Variants in AHCYL2 observed in about 807,000 individuals in gnomAD.
AHCYL2 encodes the protein S-adenosylhomocysteine hydrolase-like protein 2.
In AHCYL2, 28 loss-of-function variants were observed where a neutral mutation model predicts 81.4. The observed-to-expected ratio is 0.34, with a 90% CI of 0.25 to 0.47. The LOEUF is 0.47. Among genes scored for constraint, AHCYL2 ranks in the 20% least tolerant of loss-of-function variants. The probability of loss-of-function intolerance (pLI) is 1.00; values close to 1 mark genes in which losing one functional copy is unlikely to be tolerated. For missense variants in AHCYL2, 551 were observed against 785.1 expected (o/e 0.70, Z 3.56); for synonymous variants, 272 against 290.2 (o/e 0.94, Z 0.64).
At chr7:129,388,744 G>C in intron 2 of AHCYL2, 1 of 241,334 alleles carries the variant, frequency 4.1e-6, no homozygotes, top group South Asian at 8.4e-5. Flanking sequence ...TAATGACCAC[G>C]ATCTTGCATT....
At chr7:129,332,684 G>A (rs910760266) in intron 1 of AHCYL2, among the ~76,000 whole-genome samples, 3 of 152,144 alleles carry the variant, frequency 2.0e-5, no homozygotes, top group African/African-American at 4.8e-5. Flanking sequence ...TAACCTGGAT[G>A]AACATAATTT....
At chr7:129,370,526 G>A (rs10271957) in intron 1 of AHCYL2, among the ~76,000 whole-genome samples, 1,886 of 152,060 alleles carry the variant, frequency 0.012, 36 homozygotes, top group African/African-American at 0.043. Flanking sequence ...GTGAAACCCG[G>A]TCTCTACTAA....
In AHCYL2 at chr7:129,250,930, C is replaced by T. The variant is rs192946024; in HGVS notation, c.363+25491C>T. On this transcript the variant is annotated intron_variant, in intron 1 of 16. Coordinates refer to ENST00000325006, the MANE Select transcript of AHCYL2 (RefSeq NM_015328.4). Reference sequence around the variant, plus strand: ...AATTTGCAGTTCATGGTCTGCTTGTCCATATTAAAGTCTAGGGTGTCTAGA... The same window carrying T: ...AATTTGCAGTTCATGGTCTGCTTGTTCATATTAAAGTCTAGGGTGTCTAGA... 2.2e-3 allele frequency among the ~76,000 whole-genome samples: 335 copies of T among 152,262 alleles called. 1 individual carries two copies. The highest frequency in any genetic ancestry group is 7.2e-3 in the African/African-American group (300 of 41,570).
At chr7:129,415,690 C>T (rs988695628) in intron 12 of AHCYL2, among the ~76,000 whole-genome samples, 1 of 151,850 alleles carries the variant, frequency 6.6e-6, no homozygotes, top group Non-Finnish European at 1.5e-5. Flanking sequence ...GTGGCTCACA[C>T]CTGTAATCCC....
chr7:129,307,804 G>T (rs1584767322), intron 1 of AHCYL2, among the ~76,000 whole-genome samples: 1 of 151,852 alleles, frequency 6.6e-6, no homozygotes, highest in Non-Finnish European at 1.5e-5. Context: ...TAGAGCCCAA[G>T]GGCTGTTTAG....
At chr7:129,248,954 A>G (rs1275556482) in intron 1 of AHCYL2, among the ~76,000 whole-genome samples, 1 of 151,570 alleles carries the variant, frequency 6.6e-6, no homozygotes, top group Non-Finnish European at 1.5e-5. Context: ...AATTGTAAAA[A>G]TACAATTTTT....
chr7:129,285,273 T>C (rs1294778598), intron 1 of AHCYL2, among the ~76,000 whole-genome samples: 3 of 152,226 alleles, frequency 2.0e-5, no homozygotes, highest in Admixed American at 2.0e-4. Context: ...ATCTGAGGCC[T>C]CCTGGAGTCA....
chr7:129,294,646 C>T (rs1323887583), intron 1 of AHCYL2, among the ~76,000 whole-genome samples: 1 of 152,110 alleles, frequency 6.6e-6, no homozygotes, highest in East Asian at 1.9e-4. Flanking sequence ...CTATATCCAC[C>T]ACAACACTGT....
At chr7:129,266,977 G>A (rs1480715633) in intron 1 of AHCYL2, among the ~76,000 whole-genome samples, 5 of 150,956 alleles carry the variant, frequency 3.3e-5, no homozygotes, top group African/African-American at 1.2e-4. Context: ...CCCACTAAAC[G>A]CAAAATATTT....
intron 1 of AHCYL2, among the ~76,000 whole-genome samples, chr7:129,303,015 T>C (rs1399511295): frequency 6.6e-6 from 1 of 152,166 alleles, no homozygotes; most frequent in Non-Finnish European, 1.5e-5. Context: ...TTCTTTGTTT[T>C]TTGAGATGGA....
intron 1 of AHCYL2, among the ~76,000 whole-genome samples, chr7:129,328,173 G>A (rs1400964319): frequency 6.6e-6 from 1 of 151,810 alleles, no homozygotes; most frequent in East Asian, 1.9e-4. Flanking sequence ...TTCCTGATTT[G>A]GCTTTGTTTG....
At chr7:129,301,174 A>G (rs1365270334) in intron 1 of AHCYL2, among the ~76,000 whole-genome samples, 2 of 152,118 alleles carry the variant, frequency 1.3e-5, no homozygotes, top group Non-Finnish European at 1.5e-5. Flanking sequence ...AGAAATATCT[A>G]TTCAGATCTT....
At position 129,281,303 on chromosome 7, in the gene AHCYL2, T is replaced by C. The variant is rs1315233415; in HGVS notation, c.363+55864T>C. ...ATTTTTTCATCTATGTTCATGAGAG[T>C]TATTAGTATGCAATTTTCTTTAGGT... On this transcript the variant is annotated intron_variant, in intron 1 of 16. Coordinates refer to ENST00000325006, the MANE Select transcript of AHCYL2 (RefSeq NM_015328.4). 2.6e-5 allele frequency among the ~76,000 whole-genome samples: 4 copies of C among 152,114 alleles called. No homozygotes were observed. In the East Asian group the frequency reaches 5.8e-4, roughly 22 times the overall value.
intron 8 of AHCYL2, 107 bp downstream of exon 8, chr7:129,405,320 G>T: frequency 1.6e-6 from 1 of 621,904 alleles, no homozygotes; most frequent in South Asian, 3.3e-5. Flanking sequence ...TCTGGATAAT[G>T]TCTCCATAAA....
At chr7:129,279,849 C>T (rs933887111) in intron 1 of AHCYL2, among the ~76,000 whole-genome samples, 13 of 152,142 alleles carry the variant, frequency 8.5e-5, no homozygotes, top group African/African-American at 3.1e-4. Context: ...TGTCTTTTAG[C>T]ATACTAATGC....
rs537497056 is a variant in AHCYL2 at position 129,338,035 on chromosome 7, C to T, written c.364-41603C>T. On this transcript the variant is annotated intron_variant, in intron 1 of 16. Coordinates refer to ENST00000325006, the MANE Select transcript of AHCYL2 (RefSeq NM_015328.4). ...TTGGGATTACAGGTATGAGCCACCG[C>T]GCCTGGCCAGTTTTTCTTTACAACA... is the stretch of plus-strand genomic sequence containing the variant. Among the ~76,000 whole-genome samples, 178 of 152,084 alleles carry T rather than the reference C, an allele frequency of 1.2e-3. 2 individuals are homozygous for T. Among genetic ancestry groups the T allele is most frequent in the Non-Finnish European group, 9.6e-4 (65 of 67,964 alleles).
Position 129,419,758 on chromosome 7 carries a change from G to A in AHCYL2, c.1462-3082G>A, listed in dbSNP as rs1250910351. On this transcript the variant is annotated intron_variant, in intron 12 of 16. Transcript: ENST00000325006. The surrounding 1 kb of genome is among the most constrained non-coding windows in gnomAD (Gnocchi z 4.7). ...GAAAAAAAAAAAACAAAAAAAAACC[G>A]GATATGCACTGTTCAGAATTATATA... 4.6e-5 allele frequency among the ~76,000 whole-genome samples: 7 copies of A among 151,722 alleles called. No homozygotes were observed. The East Asian group carries it at 7.7e-4, about 17-fold the overall frequency.
chr7:129,237,766 C>T (rs951270940), intron 1 of AHCYL2, among the ~76,000 whole-genome samples: 7 of 152,054 alleles, frequency 4.6e-5, no homozygotes, highest in Non-Finnish European at 8.8e-5. Flanking sequence ...CTTGCTGTGT[C>T]GCCCAGGCTA....
rs10526470 is a variant in AHCYL2, at chr7:129,365,628, GTA to G, written c.364-13994_364-13993del. Among the ~76,000 whole-genome samples the G allele has an allele frequency of 6.3e-3, 777 of 124,082 alleles. 71 individuals are homozygous for G. Among genetic ancestry groups the G allele is most frequent in the African/African-American group, 0.024 (716 of 29,968 alleles). 81.4% of individuals were successfully genotyped at this position (124,082 alleles called of 152,430 possible). A position where few individuals can be genotyped will look rare whatever the true frequency, so the allele number is the denominator to read the frequency against. On this transcript the variant is annotated intron_variant, in intron 1 of 16. Coordinates refer to ENST00000325006, the MANE Select transcript of AHCYL2 (RefSeq NM_015328.4). ...TAATACAGTTTACCTGGAGGATAGA[GTA>G]TATATATATATATATGGGTATGAAG...
Sources: allele counts gnomAD v4.1 joint callset (sites outside exome capture counted in the v4.1 genomes callset), GRCh38; gene constraint gnomAD v4.1.1; non-coding constraint Gnocchi (gnomAD v3.1); transcripts MANE v1.5; gene names NCBI Gene and HGNC (gene_info 2026-07-23, HGNC 2026-07-21).